ELMO1: variants seen among roughly 807,000 people sequenced by gnomAD.
ELMO1 encodes the protein engulfment and cell motility protein 1.
ELMO1 carries 26 observed loss-of-function variants against 98.9 expected under a neutral mutation model. The ratio of observed to expected loss-of-function variants is 0.26; its 90% CI spans 0.19 to 0.36. The LOEUF (loss-of-function observed/expected upper bound fraction) is 0.36, where lower values mean the gene tolerates loss of function less well. Among genes scored for constraint, ELMO1 ranks in the 10% least tolerant of loss-of-function variants. The pLI, the probability that ELMO1 is intolerant of heterozygous loss-of-function variation, is 1.00. For missense variants in ELMO1, 627 were observed against 935.2 expected (o/e 0.67, Z 4.30); for synonymous variants, 346 against 346.0 (o/e 1.00, Z 0.00).
intron 15 of ELMO1, among the ~76,000 whole-genome samples, chr7:37,040,605 G>A (rs763977902): frequency 1.9e-4 from 29 of 152,116 alleles, no homozygotes; most frequent in Admixed American, 1.7e-3. Flanking sequence ...AAAAACAGCC[G>A]GTCACAAACC....
At chr7:37,329,559 G>A (rs907355960) in intron 2 of ELMO1, among the ~76,000 whole-genome samples, 1 of 152,090 alleles carries the variant, frequency 6.6e-6, no homozygotes, top group Non-Finnish European at 1.5e-5. Context: ...AAGTTAAATG[G>A]GAAAACTGGC....
intron 6 of ELMO1, among the ~76,000 whole-genome samples, chr7:37,246,980 T>G (rs1297375003): frequency 6.6e-6 from 1 of 152,216 alleles, no homozygotes; most frequent in Non-Finnish European, 1.5e-5. Context: ...CATCTCAACA[T>G]TCCTTTGCTT....
At chr7:36,969,590 G>A (rs1789742658) in intron 16 of ELMO1, among the ~76,000 whole-genome samples, 2 of 152,138 alleles carry the variant, frequency 1.3e-5, no homozygotes, top group Admixed American at 6.5e-5. Flanking sequence ...ATTGATTGAG[G>A]AAGCTGCTGG....
chr7:37,121,033 A>C (rs1263338605), intron 14 of ELMO1, among the ~76,000 whole-genome samples: 2 of 152,216 alleles, frequency 1.3e-5, no homozygotes, highest in Non-Finnish European at 2.9e-5. Flanking sequence ...GTGGACCTCC[A>C]GCAAACTCCA....
intron 2 of ELMO1, among the ~76,000 whole-genome samples, chr7:37,335,687 C>G (rs1054653706): frequency 1.3e-5 from 2 of 152,176 alleles, no homozygotes; most frequent in Admixed American, 1.3e-4. Flanking sequence ...TCGGCAGCCA[C>G]CCCTCTGCCC....
chr7:36,938,421 G>A (rs1160979251), intron 16 of ELMO1, among the ~76,000 whole-genome samples: 1 of 152,182 alleles, frequency 6.6e-6, no homozygotes, highest in Admixed American at 6.5e-5. Flanking sequence ...TGTCTTCAGA[G>A]CTTGTTCCAC....
chr7:37,375,596 G>A (rs1207709887), intron 1 of ELMO1: 5 of 1,123,486 alleles, frequency 4.5e-6, no homozygotes, highest in Non-Finnish European at 6.8e-6. Flanking sequence ...TGGCCAAGAA[G>A]GATGTCCCCC....
intron 19 of ELMO1, among the ~76,000 whole-genome samples, chr7:36,873,320 C>T (rs1471201793): frequency 6.6e-6 from 1 of 152,140 alleles, no homozygotes; most frequent in Non-Finnish European, 1.5e-5. Context: ...TCTAAGGAGG[C>T]TGCAGGGGGC....
intron 13 of ELMO1, among the ~76,000 whole-genome samples, chr7:37,148,725 G>A (rs535496380): frequency 6.6e-6 from 1 of 152,228 alleles, no homozygotes; most frequent in South Asian, 2.1e-4. Context: ...AGTGCATGGG[G>A]GATTTGGAAC....
At chr7:36,985,804 G>T in intron 16 of ELMO1, 2 of 617,496 alleles carry the variant, frequency 3.2e-6, no homozygotes, top group Non-Finnish European at 4.2e-6. Context: ...ACCCTTGAAT[G>T]CCCGCTCCTC....
intron 1 of ELMO1, among the ~76,000 whole-genome samples, chr7:37,358,415 C>G (rs2131318986): frequency 6.6e-6 from 1 of 152,228 alleles, no homozygotes; most frequent in South Asian, 2.1e-4. Flanking sequence ...ACACACAAAT[C>G]CCTAGCTAGA....
chr7:37,402,069 G>T (rs191468912), intron 1 of ELMO1, among the ~76,000 whole-genome samples: 1 of 152,326 alleles, frequency 6.6e-6, no homozygotes, highest in Admixed American at 6.5e-5. Context: ...GAAGACTCCT[G>T]TGGCACGTAA....
At position 37,009,342 on chromosome 7, in the gene ELMO1, G is replaced by A. The variant is rs73688447; in HGVS notation, c.1437+3957C>T. 1.0e-3 allele frequency among the ~76,000 whole-genome samples: 154 copies of A among 152,268 alleles called. 1 individual carries two copies. Among genetic ancestry groups the A allele is most frequent in the African/African-American group, 3.6e-3 (150 of 41,570 alleles). ...ATTATTCTGCAGAGTGCTATATTGA[G>A]AAACTGAAAGAAAGTACTTTTCAAA... On this transcript the variant is annotated intron_variant, in intron 16 of 21. Transcript: ENST00000310758.
intron 1 of ELMO1, among the ~76,000 whole-genome samples, chr7:37,365,689 TAATC>T (rs933720634): frequency 1.3e-5 from 2 of 152,226 alleles, no homozygotes; most frequent in Admixed American, 6.5e-5. Context: ...ACCAATGCAT[TAATC>T]AACGCAGACA....
At chr7:37,311,777 T>A (rs1438897506) in intron 4 of ELMO1, among the ~76,000 whole-genome samples, 2 of 152,110 alleles carry the variant, frequency 1.3e-5, no homozygotes, top group African/African-American at 4.8e-5. Flanking sequence ...AGATGAGTCT[T>A]CTCACTCCTT....
At chr7:37,127,220 A>G (rs1786589855) in intron 14 of ELMO1, among the ~76,000 whole-genome samples, 1 of 152,202 alleles carries the variant, frequency 6.6e-6, no homozygotes, top group Non-Finnish European at 1.5e-5. Context: ...TTAAAATAGC[A>G]TCTTTTGGGT....
At chr7:37,426,142 CTTTTTTTTTTTTT>C (rs36086006) in intron 1 of ELMO1, among the ~76,000 whole-genome samples, 2 of 84,594 alleles carry the variant, frequency 2.4e-5, no homozygotes, top group African/African-American at 4.9e-5. Flanking sequence ...TTTTTTCTTT[CTTTTTTTTTTTTT>C]TTTTTTTTTT....
intron 5 of ELMO1, among the ~76,000 whole-genome samples, chr7:37,264,059 C>T (rs1244773740): frequency 6.6e-6 from 1 of 152,132 alleles, no homozygotes; most frequent in Non-Finnish European, 1.5e-5. Context: ...ACATATGGAA[C>T]TTTTAGAGAA....
intron 1 of ELMO1, among the ~76,000 whole-genome samples, chr7:37,344,967 C>T (rs1488808653): frequency 6.6e-6 from 1 of 152,188 alleles, no homozygotes; most frequent in Non-Finnish European, 1.5e-5. Flanking sequence ...TCCCAGATCT[C>T]AGCAGTAGCT....
Sources: allele counts gnomAD v4.1 joint callset (sites outside exome capture counted in the v4.1 genomes callset), GRCh38; gene constraint gnomAD v4.1.1; transcripts MANE v1.5; gene names NCBI Gene and HGNC (gene_info 2026-07-23, HGNC 2026-07-21).